The following TDRD9 variants were observed in gnomAD, a reference collection of about 807,000 sequenced individuals.
TDRD9 encodes tudor domain containing 9.
Under a neutral mutation model 172.6 loss-of-function variants are expected in TDRD9, and 124 were observed. That is an observed-to-expected ratio of 0.72 (90% CI 0.62 to 0.83). TDRD9 has a LOEUF of 0.83. Ranked by LOEUF, TDRD9 falls within the 40% of genes least tolerant of loss-of-function variation. TDRD9 has a pLI of 0.00. For synonymous variants in TDRD9, 619 were observed against 617.1 expected (o/e 1.00, Z -0.05); for missense variants, 1,479 against 1,714.1 (o/e 0.86, Z 2.42).
chr14:104,011,129 A>G (rs911835477), intron 20 of TDRD9, among the ~76,000 whole-genome samples: 1 of 152,230 alleles, frequency 6.6e-6, no homozygotes, highest in African/African-American at 2.4e-5. Flanking sequence ...ATACGTGTCC[A>G]TGGTCAACTG....
At chr14:104,037,167 G>C (rs1426155227) in intron 32 of TDRD9, among the ~76,000 whole-genome samples, 1 of 151,894 alleles carries the variant, frequency 6.6e-6, no homozygotes, top group East Asian at 1.9e-4. Context: ...GAGCAGGAGG[G>C]GGGTCTTCAG....
Position 104,014,835 on chromosome 14 carries a change from C to T in TDRD9, c.2217C>T (p.Ile739=), listed in dbSNP as rs144634335. 3 of 1,577,004 alleles carry T rather than the reference C, an allele frequency of 1.9e-6. No individual in the cohort carries two copies. Among genetic ancestry groups the T allele is most frequent in the African/African-American group, 2.7e-5 (2 of 73,682 alleles). Residue 739 remains isoleucine, a synonymous_variant, in exon 21 of 36, where the codon ATC becomes ATT. Transcript: ENST00000409874. ...AGTATATATATAAGCAGCGATTCATCCTACAGGTGTGCTGAAGTTTCCTGG... is the reference window on the plus strand; with the variant it reads ...AGTATATATATAAGCAGCGATTCATTCTACAGGTGTGCTGAAGTTTCCTGG... The part of the protein sequence containing the change: ...DQEYIYKQRF[I]LQVVLAGAFY...
chr14:104,007,178 C>T lies in TDRD9; in HGVS notation c.2026C>T (p.Gln676Ter), dbSNP rs751076775. 37 of 1,613,878 alleles carry T rather than the reference C, an allele frequency of 2.3e-5. No homozygotes were observed. Among genetic ancestry groups the T allele is most frequent in the Non-Finnish European group, 3.1e-5 (36 of 1,179,850 alleles). Reference protein sequence around the residue: ...EAFKTWKACRQTGELRYPKDE... With the variant: ...EAFKTWKACR ...TTTTCAGACATGGAAGGCTTGCAGA[C>T]AGACAGGGGAGCTGCGGTACCCGAA... The change falls in exon 19 of 36, where the codon CAG becomes TAG. Residue 676 changes from glutamine to a stop codon, truncating the protein, a stop_gained. Coordinates refer to ENST00000409874, the MANE Select transcript of TDRD9 (RefSeq NM_153046.3). LOFTEE classifies it high-confidence loss of function.
chr14:103,935,404 G>A (rs2030692195), intron 1 of TDRD9, among the ~76,000 whole-genome samples: 1 of 152,168 alleles, frequency 6.6e-6, no homozygotes, highest in African/African-American at 2.4e-5. Flanking sequence ...AGCAATCACA[G>A]GTGACACCAA....
intron 20 of TDRD9, among the ~76,000 whole-genome samples, chr14:104,012,027 G>A (rs1426725914): frequency 2.6e-5 from 4 of 152,200 alleles, no homozygotes; most frequent in Non-Finnish European, 4.4e-5. Flanking sequence ...AACAGTGTGC[G>A]ATGACAGGCA....
At chr14:103,961,916 A>G (rs912916701) in intron 2 of TDRD9, among the ~76,000 whole-genome samples, 5 of 152,228 alleles carry the variant, frequency 3.3e-5, no homozygotes, top group Admixed American at 3.3e-4. Flanking sequence ...CTGGTCAGAA[A>G]CAAGGGGCTG....
chr14:103,948,678 G>C (rs1035290740), intron 1 of TDRD9, among the ~76,000 whole-genome samples: 5 of 152,086 alleles, frequency 3.3e-5, no homozygotes, highest in African/African-American at 1.2e-4. Context: ...GATGAACCTT[G>C]AGGACATTAT....
chr14:104,032,072 G>C lies in TDRD9; in HGVS notation c.3494G>C (p.Arg1165Thr), dbSNP rs1000285985. The change falls in exon 30 of 36, where the codon AGA (arginine) becomes ACA (threonine). Residue 1165 changes from arginine to threonine, a missense_variant. Arg to Thr is a moderately conservative substitution (Grantham distance 71, BLOSUM62 -1). This residue lies in a region of TDRD9 where 1,413 missense variants were observed against 1,649.1 expected (regional missense o/e 0.86). Coordinates refer to ENST00000409874, the MANE Select transcript of TDRD9 (RefSeq NM_153046.3). ...GAACTAAAGTGCCATAGTTTGACCA[G>C]AATATCCAAATTCAGGTATGATTAA... ...PYELKCHSLT[R>T]ISKFRCVWIE... 1.3e-6 allele frequency: 2 copies of C among 1,545,960 alleles called. No individual in the cohort carries two copies. Among genetic ancestry groups the C allele is most frequent in the African/African-American group, 2.7e-5 (2 of 72,770 alleles).
At chr14:103,938,696 C>T (rs1008094929) in intron 1 of TDRD9, among the ~76,000 whole-genome samples, 2 of 151,880 alleles carry the variant, frequency 1.3e-5, no homozygotes, top group Non-Finnish European at 2.9e-5. Context: ...CTCGGCCTCC[C>T]AAAGTGCTGG....
intron 19 of TDRD9, among the ~76,000 whole-genome samples, chr14:104,007,641 T>TC: frequency 6.6e-6 from 1 of 150,860 alleles, no homozygotes; most frequent in Non-Finnish European, 1.5e-5. Context: ...ATTTTATTGT[T>TC]TTTTTTTTTT....
intron 1 of TDRD9, among the ~76,000 whole-genome samples, chr14:103,932,202 C>T (rs1305255761): frequency 6.6e-6 from 1 of 152,198 alleles, no homozygotes; most frequent in African/African-American, 2.4e-5. Context: ...TGAGGCAGCA[C>T]TGCATTAGGG....
chr14:103,991,455 T>C (rs964260187), intron 9 of TDRD9, among the ~76,000 whole-genome samples: 9 of 152,030 alleles, frequency 5.9e-5, no homozygotes, highest in Non-Finnish European at 1.3e-4. Flanking sequence ...GCTCTGTTGC[T>C]AGGCTGGAGT....
intron 1 of TDRD9, among the ~76,000 whole-genome samples, chr14:103,933,330 G>A (rs1359744241): frequency 6.6e-6 from 1 of 152,168 alleles, no homozygotes; most frequent in Non-Finnish European, 1.5e-5. Flanking sequence ...TCTGCCTTGT[G>A]TTTCTTTGTG....
chr14:103,973,345 C>A (rs2033112742), intron 6 of TDRD9, among the ~76,000 whole-genome samples: 1 of 152,186 alleles, frequency 6.6e-6, no homozygotes, highest in South Asian at 2.1e-4. Flanking sequence ...GGCACGGGCA[C>A]ATGGGCTTTA....
intron 20 of TDRD9, 55 bp from the exon 21 acceptor site, chr14:104,014,670 T>C: frequency 1.0e-6 from 1 of 993,476 alleles, no homozygotes; most frequent in Non-Finnish European, 1.6e-6. Flanking sequence ...GTGTTTTCAC[T>C]GCTCTGATGA....
Position 103,955,748 on chromosome 14 carries a change from T to A in TDRD9, c.300T>A (p.Ser100Arg), listed in dbSNP as rs960263082. Residue 100 changes from serine (S) to arginine (R), a missense_variant, in exon 2 of 36, where the codon AGT becomes AGA. Physicochemically the swap from Ser to Arg is moderately radical, Grantham distance 110. This residue lies in a region of TDRD9 where 1,413 missense variants were observed against 1,649.1 expected (regional missense o/e 0.86). Transcript: ENST00000409874. ...CACAAGAGCTTGATGTGTGTCGCAGTGTCCAACCAACCAGTGGGCCAGGTA... is the reference window on the plus strand; with the variant it reads ...CACAAGAGCTTGATGTGTGTCGCAGAGTCCAACCAACCAGTGGGCCAGGTA... ...LEAQELDVCR[S>R]VQPTSGPGPR... The A allele has an allele frequency of 1.9e-6, 3 of 1,551,190 alleles. No homozygotes were observed. In the East Asian group the frequency reaches 7.3e-5, roughly 38 times the overall value.
intron 22 of TDRD9, among the ~76,000 whole-genome samples, chr14:104,016,386 C>T (rs2034793510): frequency 6.6e-6 from 1 of 152,142 alleles, no homozygotes; most frequent in Admixed American, 6.5e-5. Context: ...AAGGCACTTA[C>T]AAGTTTAAGA....
intron 5 of TDRD9, among the ~76,000 whole-genome samples, chr14:103,968,073 C>T (rs1456842550): frequency 6.6e-6 from 1 of 152,244 alleles, no homozygotes; most frequent in African/African-American, 2.4e-5. Context: ...ACATATTTCT[C>T]TGCCTACGTG....
rs113752316 is a variant in TDRD9, at chr14:103,949,900, T to C, written c.216-5764T>C. On this transcript the variant is annotated intron_variant, in intron 1 of 35. Transcript: ENST00000409874. ...GGGTTTCAACATTTTGGTCTCGAACTCCCGACCTCAGGTGATCCGCCCGCC... is the reference window on the plus strand; with the variant it reads ...GGGTTTCAACATTTTGGTCTCGAACCCCCGACCTCAGGTGATCCGCCCGCC... Among the ~76,000 whole-genome samples, 1,465 of 152,054 alleles carry C rather than the reference T, an allele frequency of 9.6e-3. 23 individuals are homozygous for C. The highest frequency in any genetic ancestry group is 0.034 in the African/African-American group (1,408 of 41,486).
Sources: allele counts gnomAD v4.1 joint callset (sites outside exome capture counted in the v4.1 genomes callset), GRCh38; gene constraint gnomAD v4.1.1; regional missense constraint gnomAD v4.1.1; transcripts MANE v1.5; gene names NCBI Gene and HGNC (gene_info 2026-07-23, HGNC 2026-07-21).